POFUT3: variants seen among roughly 807,000 people sequenced by gnomAD.
POFUT3 encodes the protein protein O-fucosyltransferase 3, also known as GDP-fucose protein O-fucosyltransferase 3.
At chr8:33,424,466 G>A in the POFUT3 span, among the ~76,000 whole-genome samples, 1 of 152,166 alleles carries the variant, frequency 6.6e-6, no homozygotes, top group Non-Finnish European at 1.5e-5. Flanking sequence ...CTACCAGCAA[G>A]AAGTAATTGT....
the POFUT3 span, among the ~76,000 whole-genome samples, chr8:33,468,253 AAAAAG>A: frequency 1.0e-3 from 149 of 149,594 alleles, no homozygotes; most frequent in African/African-American, 3.7e-3. Context: ...AAAAAAAAAA[AAAAAG>A]AAGAAGAAGA....
At chr8:33,419,237 C>T in the POFUT3 span, among the ~76,000 whole-genome samples, 1 of 152,118 alleles carries the variant, frequency 6.6e-6, no homozygotes, top group Non-Finnish European at 1.5e-5. Context: ...TGAAATGTAC[C>T]TAACACATAG....
the POFUT3 span, among the ~76,000 whole-genome samples, chr8:33,437,618 C>T: frequency 6.6e-6 from 1 of 152,000 alleles, no homozygotes; most frequent in Non-Finnish European, 1.5e-5. Context: ...TGAGACCAGC[C>T]TGGCCAACAG....
the POFUT3 span, among the ~76,000 whole-genome samples, chr8:33,419,657 CA>C: frequency 6.6e-6 from 1 of 152,188 alleles, no homozygotes; most frequent in African/African-American, 2.4e-5. Context: ...ATGCATGTAA[CA>C]AAATATTACA....
the POFUT3 span, among the ~76,000 whole-genome samples, chr8:33,410,536 G>A: frequency 6.6e-6 from 1 of 152,068 alleles, no homozygotes; most frequent in Non-Finnish European, 1.5e-5. Flanking sequence ...ACAGACGTTT[G>A]CACTGAACAT....
chr8:33,331,628 C>A, the POFUT3 span, among the ~76,000 whole-genome samples: 1 of 152,108 alleles, frequency 6.6e-6, no homozygotes, highest in Non-Finnish European at 1.5e-5. Flanking sequence ...TTGAGACCAG[C>A]CTGAGCAACA....
the POFUT3 span, among the ~76,000 whole-genome samples, chr8:33,380,176 CTA>C: frequency 0.034 from 1,975 of 57,980 alleles, 90 homozygotes; most frequent in Non-Finnish European, 0.044. Flanking sequence ...TATATATATA[CTA>C]TATATATATA....
the POFUT3 span, among the ~76,000 whole-genome samples, chr8:33,320,504 A>G: frequency 6.6e-6 from 1 of 152,084 alleles, no homozygotes; most frequent in Non-Finnish European, 1.5e-5. Flanking sequence ...TTGCAGCACA[A>G]TAAACTACTC....
the POFUT3 span, among the ~76,000 whole-genome samples, chr8:33,423,096 T>C: frequency 2.3e-3 from 348 of 152,140 alleles, 1 homozygote; most frequent in African/African-American, 7.4e-3. Flanking sequence ...GGATTACAAG[T>C]GTGACCCACG....
the POFUT3 span, among the ~76,000 whole-genome samples, chr8:33,471,025 T>A: frequency 6.6e-6 from 1 of 152,182 alleles, no homozygotes; most frequent in Non-Finnish European, 1.5e-5. Context: ...GGTAATTCTG[T>A]ATAATCTTTT....
the POFUT3 span, among the ~76,000 whole-genome samples, chr8:33,417,899 G>T: frequency 6.6e-6 from 1 of 152,144 alleles, no homozygotes; most frequent in Non-Finnish European, 1.5e-5. Flanking sequence ...GTTGCGGAGA[G>T]AACCCCAGGG....
At chr8:33,459,082 G>A in the POFUT3 span, among the ~76,000 whole-genome samples, 3 of 152,288 alleles carry the variant, frequency 2.0e-5, no homozygotes, top group African/African-American at 4.8e-5. Flanking sequence ...ACTCATGCCT[G>A]TAATCCCAGC....
chr8:33,456,451 G>A, the POFUT3 span, among the ~76,000 whole-genome samples: 3 of 151,846 alleles, frequency 2.0e-5, no homozygotes, highest in East Asian at 1.9e-4. Flanking sequence ...TCCTCTTCCC[G>A]AGTTCAAGTG....
At chr8:33,466,455 A>G in the POFUT3 span, among the ~76,000 whole-genome samples, 3 of 151,652 alleles carry the variant, frequency 2.0e-5, no homozygotes, top group South Asian at 6.3e-4. Flanking sequence ...GAAGGAAAGG[A>G]AAGAGAAAGG....
At chr8:33,445,429 A>G in the POFUT3 span, among the ~76,000 whole-genome samples, 5 of 152,210 alleles carry the variant, frequency 3.3e-5, no homozygotes, top group Non-Finnish European at 7.3e-5. Context: ...CATGAAATGG[A>G]TGAGATCAGC....
At chr8:33,418,610 GAACT>G in the POFUT3 span, among the ~76,000 whole-genome samples, 1 of 151,900 alleles carries the variant, frequency 6.6e-6, no homozygotes, top group African/African-American at 2.4e-5. Context: ...GCTGAAAAGG[GAACT>G]CTTATACACT....
chr8:33,453,250 G>A, the POFUT3 span: 2 of 1,614,178 alleles, frequency 1.2e-6, no homozygotes, highest in Non-Finnish European at 1.7e-6. Context: ...TGTGATGATG[G>A]AGGTAGGTCC....
the POFUT3 span, chr8:33,388,870 G>T: frequency 1.0e-6 from 1 of 968,072 alleles, no homozygotes; most frequent in Non-Finnish European, 1.7e-6. Flanking sequence ...GAAGAACACT[G>T]ATGAGGTGGC....
the POFUT3 span, among the ~76,000 whole-genome samples, chr8:33,465,353 C>G: frequency 6.6e-6 from 1 of 151,160 alleles, no homozygotes; most frequent in African/African-American, 2.5e-5. Context: ...CCCAAGGAAG[C>G]TGAGCCTTCT....
Sources: gnomAD v4.1 joint callset for allele counts (sites outside exome capture counted in the v4.1 genomes callset) on GRCh38, gnomAD v4.1.1 for gene constraint, MANE v1.5 for transcripts, NCBI Gene and HGNC (gene_info 2026-07-23, HGNC 2026-07-21) for gene names.